Variants in SHC4 observed in about 807,000 individuals in gnomAD.
The protein encoded by SHC4 is SHC adaptor protein 4, also known as SHC-transforming protein 4.
In SHC4, 41 loss-of-function variants were observed where a neutral mutation model predicts 69.4. The observed-to-expected ratio is 0.59, with a 90% CI of 0.46 to 0.77. The LOEUF is 0.77. Among genes scored for constraint, SHC4 ranks in the 30% least tolerant of loss-of-function variants. The probability of loss-of-function intolerance (pLI) is 0.00; values close to 1 mark genes in which losing one functional copy is unlikely to be tolerated. For missense variants in SHC4, 777 were observed against 783.8 expected, an observed-to-expected ratio of 0.99 and a Z score of 0.10; for synonymous variants, 318 against 299.3, an observed-to-expected ratio of 1.06 and a Z score of -0.64.
chr15:48,856,498 A>C (rs965293286), intron 7 of SHC4, among the ~76,000 whole-genome samples: 1 of 152,174 alleles, frequency 6.6e-6, no homozygotes, highest in Non-Finnish European at 1.5e-5. Flanking sequence ...TCCATTTTGG[A>C]AAGTTTTGCC....
chr15:48,872,672 C>A (rs1387377699), intron 4 of SHC4, among the ~76,000 whole-genome samples: 1 of 152,110 alleles, frequency 6.6e-6, no homozygotes, highest in Non-Finnish European at 1.5e-5. Flanking sequence ...ATTTTTGTTT[C>A]TTTTTGCAAA....
intron 2 of SHC4, 70 bp downstream of exon 2, chr15:48,924,809 T>C: frequency 6.6e-7 from 1 of 1,525,138 alleles, no homozygotes; most frequent in South Asian, 1.1e-5. Flanking sequence ...TTGCATAAAA[T>C]TCCTGTGGGA....
At chr15:48,866,324 A>C (rs1358382140) in intron 6 of SHC4, among the ~76,000 whole-genome samples, 2 of 152,064 alleles carry the variant, frequency 1.3e-5, no homozygotes, top group Non-Finnish European at 2.9e-5. Context: ...TTTAGTTTAG[A>C]GTGGGTCAGT....
chr15:48,846,055 T>C (rs1446146900), intron 9 of SHC4, among the ~76,000 whole-genome samples: 3 of 151,976 alleles, frequency 2.0e-5, no homozygotes, highest in Admixed American at 6.6e-5. Flanking sequence ...CTTAAGAGCA[T>C]TGATGCAAAC....
At chr15:48,924,980 G>T (rs763928697) in intron 1 of SHC4, 31 bp from the exon 2 acceptor site, 4 of 1,611,246 alleles carry the variant, frequency 2.5e-6, no homozygotes, top group South Asian at 1.1e-5. Context: ...AGAAGAAGTA[G>T]GACAAAAATT....
At chr15:48,907,774 A>G (rs1249795435) in intron 2 of SHC4, among the ~76,000 whole-genome samples, 1 of 91,044 alleles carries the variant, frequency 1.1e-5, no homozygotes, top group African/African-American at 4.8e-5. Flanking sequence ...ATTCCATCAT[A>G]TATATATATA....
At chr15:48,827,256 A>C (rs1261881024) in intron 11 of SHC4, among the ~76,000 whole-genome samples, 1 of 152,202 alleles carries the variant, frequency 6.6e-6, no homozygotes, top group Non-Finnish European at 1.5e-5. Context: ...TACTGGAATA[A>C]TTAATATAAT....
In SHC4 at chr15:48,843,517, G is replaced by T. The variant is rs749159937; in HGVS notation, c.1375C>A (p.Leu459Ile). The change falls in exon 10 of 12, where the codon CTC becomes ATC. Residue 459 changes from leucine (L) to isoleucine (I), a missense_variant. By Grantham distance (5) the Leu-to-Ile change is conservative. Coordinates refer to ENST00000332408, the MANE Select transcript of SHC4 (RefSeq NM_203349.4). ...TTAATGTAGCAGGGGTCATCAAAGA[G>T]ATCCACTCGGCACGTGTGCTTCAAT... is the stretch of plus-strand genomic sequence containing the variant. ...SLLKHTCRVD[L>I]FDDPCYINTQ... 2 of 1,614,214 alleles carry T rather than the reference G, an allele frequency of 1.2e-6. No homozygotes were observed. Among genetic ancestry groups the T allele is most frequent in the Non-Finnish European group, 1.7e-6 (2 of 1,180,032 alleles).
chr15:48,849,188 G>A (rs913616050), intron 9 of SHC4, among the ~76,000 whole-genome samples: 2 of 151,938 alleles, frequency 1.3e-5, no homozygotes, highest in African/African-American at 2.4e-5. Context: ...GTCCTGGCAT[G>A]CTTAGTTCTG....
At chr15:48,845,678 T>G (rs1309240070) in intron 9 of SHC4, among the ~76,000 whole-genome samples, 1 of 152,176 alleles carries the variant, frequency 6.6e-6, no homozygotes, top group African/African-American at 2.4e-5. Flanking sequence ...CCTCAAATGT[T>G]CAAATTATCA....
intron 2 of SHC4, among the ~76,000 whole-genome samples, chr15:48,909,886 G>A (rs773431123): frequency 6.6e-5 from 10 of 152,054 alleles, no homozygotes; most frequent in South Asian, 2.1e-4. Flanking sequence ...AAACTATCCC[G>A]CATCCCTGGT....
intron 4 of SHC4, among the ~76,000 whole-genome samples, chr15:48,875,745 G>A (rs1183390856): frequency 3.9e-5 from 6 of 152,212 alleles, no homozygotes; most frequent in African/African-American, 1.2e-4. Context: ...CATGGGTGGA[G>A]CAGCTGCCAT....
intron 11 of SHC4, among the ~76,000 whole-genome samples, chr15:48,830,745 T>A (rs1258494055): frequency 6.6e-6 from 1 of 152,230 alleles, no homozygotes; most frequent in Non-Finnish European, 1.5e-5. Flanking sequence ...ATGCTCATGT[T>A]GCATTATCTG....
At chr15:48,833,702 A>G (rs1334777000) in intron 11 of SHC4, among the ~76,000 whole-genome samples, 1 of 152,146 alleles carries the variant, frequency 6.6e-6, no homozygotes, top group African/African-American at 2.4e-5. Context: ...ACCCACTGAA[A>G]AGCCAGAACA....
rs553884029 is a variant in SHC4, at chr15:48,884,267, A to G, written c.821T>C (p.Met274Thr). The change falls in exon 4 of 12, where the codon ATG becomes ACG. Residue 274 changes from methionine to threonine, a missense_variant. Physicochemically the swap from Met to Thr is moderately conservative, Grantham distance 81. Coordinates refer to ENST00000332408, the MANE Select transcript of SHC4 (RefSeq NM_203349.4). ...TCTTACCTGTTGGTTGTCAAGATTC[A>G]TCAATGTGAGACTGCATGTTGAGAT... ...LTISTCSLTL[M>T]NLDNQQIIAN... 11 of 1,600,486 alleles carry G rather than the reference A, an allele frequency of 6.9e-6. No individual in the cohort carries two copies. In the South Asian group the frequency reaches 9.2e-5, roughly 13 times the overall value.
intron 5 of SHC4, among the ~76,000 whole-genome samples, chr15:48,869,747 G>A (rs965343807): frequency 1.3e-5 from 2 of 152,162 alleles, no homozygotes; most frequent in African/African-American, 4.8e-5. Context: ...AATGCTTAGG[G>A]TGGCTCCAGA....
At chr15:48,842,987 A>G (rs1426970031) in intron 10 of SHC4, among the ~76,000 whole-genome samples, 1 of 152,192 alleles carries the variant, frequency 6.6e-6, no homozygotes, top group Non-Finnish European at 1.5e-5. Flanking sequence ...ACCTGTGAAC[A>G]TGACCTAATT....
At chr15:48,836,491 G>C (rs1898900527) in intron 10 of SHC4, among the ~76,000 whole-genome samples, 2 of 152,034 alleles carry the variant, frequency 1.3e-5, no homozygotes, top group African/African-American at 4.8e-5. Flanking sequence ...TCTGAAACTT[G>C]TATGTTTAAT....
At chr15:48,956,880 G>A (rs761915687) in intron 1 of SHC4, among the ~76,000 whole-genome samples, 9 of 151,924 alleles carry the variant, frequency 5.9e-5, no homozygotes, top group Non-Finnish European at 1.3e-4. Context: ...TTTCAAACAG[G>A]TAGGAAAGAA....
Sources: gnomAD v4.1 joint callset for allele counts (sites outside exome capture counted in the v4.1 genomes callset) on GRCh38, gnomAD v4.1.1 for gene constraint, MANE v1.5 for transcripts, NCBI Gene and HGNC (gene_info 2026-07-23, HGNC 2026-07-21) for gene names.